The following RAPH1 variants were observed in gnomAD, a reference collection of about 807,000 sequenced individuals.
The protein encoded by RAPH1 is ras-associated and pleckstrin homology domains-containing protein 1.
In RAPH1, 18 loss-of-function variants were observed where a neutral mutation model predicts 88.1. The ratio of observed to expected loss-of-function variants is 0.20; its 90% CI spans 0.14 to 0.30. The LOEUF is 0.30. RAPH1 is among the 10% of genes least tolerant of loss of function. The pLI is 1.00. For synonymous variants in RAPH1, 587 were observed against 559.0 expected (o/e 1.05, Z -0.71); for missense variants, 1,448 against 1,543.2 (o/e 0.94, Z 1.03).
Position 203,535,278 on chromosome 2 carries a change from CT to C in RAPH1, c.-169del, listed in dbSNP as rs1390703392. ...GCTCAGTGACTGACTGACTGACTGA[CT>C]GACTGACTGACTGACTGACTGGCGG... On this transcript the variant is annotated 5_prime_UTR_variant, in exon 1 of 14. Transcript: ENST00000319170. The C allele has an allele frequency of 6.6e-6, 1 of 150,748 alleles. No individual in the cohort carries two copies. Among genetic ancestry groups the C allele is most frequent in the Non-Finnish European group, 1.5e-5 (1 of 67,324 alleles). 9.3% of individuals were successfully genotyped at this position (150,748 alleles called of 1,614,324 possible).
intron 1 of RAPH1, among the ~76,000 whole-genome samples, chr2:203,504,512 G>A (rs1007348274): frequency 3.3e-5 from 5 of 152,190 alleles, no homozygotes; most frequent in South Asian, 2.1e-4. Flanking sequence ...CCCGGCCCAC[G>A]AAACCACTTT....
chr2:203,455,033 T>C (rs1311873189), intron 9 of RAPH1, among the ~76,000 whole-genome samples: 1 of 152,176 alleles, frequency 6.6e-6, no homozygotes, highest in Non-Finnish European at 1.5e-5. Context: ...AAAACAGTCC[T>C]GGTGCCAATA....
intron 1 of RAPH1, among the ~76,000 whole-genome samples, chr2:203,498,919 T>C (rs1688624013): frequency 6.6e-6 from 1 of 152,218 alleles, no homozygotes; most frequent in South Asian, 2.1e-4. Flanking sequence ...TTTCTAGGTT[T>C]AGATACCATT....
chr2:203,525,271 C>T (rs887395862), intron 1 of RAPH1, among the ~76,000 whole-genome samples: 1 of 152,128 alleles, frequency 6.6e-6, no homozygotes, highest in Non-Finnish European at 1.5e-5. Context: ...CTGCAGCCTC[C>T]GCCTCCTGGG....
chr2:203,525,113 A>T (rs1466607529), intron 1 of RAPH1, among the ~76,000 whole-genome samples: 1 of 152,256 alleles, frequency 6.6e-6, no homozygotes, highest in Non-Finnish European at 1.5e-5. Flanking sequence ...TTTTCTTCAG[A>T]ATAGTCCCAA....
At chr2:203,460,429 G>A (rs535098786) in intron 6 of RAPH1, among the ~76,000 whole-genome samples, 3 of 152,138 alleles carry the variant, frequency 2.0e-5, no homozygotes, top group African/African-American at 7.2e-5. Context: ...ATCCATGACT[G>A]TTGTTTAATC....
chr2:203,448,672 G>A lies in RAPH1; in HGVS notation c.1512+66C>T. The A allele has an allele frequency of 8.7e-7, 1 of 1,153,012 alleles. No individual in the cohort carries two copies. The highest frequency in any genetic ancestry group is 1.2e-6 in the Non-Finnish European group (1 of 803,210). The allele number at this position is 1,153,012 out of a possible 1,614,324, so 71.4% of individuals were successfully genotyped here. A position where few individuals can be genotyped will look rare whatever the true frequency, so the allele number is the denominator to read the frequency against. On this transcript the variant is annotated intron_variant, in intron 11 of 13. Coordinates refer to ENST00000319170, the MANE Select transcript of RAPH1 (RefSeq NM_213589.3). This position sits in a 1 kb window ranked among gnomAD's most constrained non-coding sequence, Gnocchi z 4.1. ...ATGAAATAGTCAGAATAGTTGTCAT[G>A]AAAACGAAAACTATATCATCGACAA...
intron 4 of RAPH1, among the ~76,000 whole-genome samples, chr2:203,467,413 A>G (rs1359269615): frequency 6.6e-6 from 1 of 151,184 alleles, no homozygotes; most frequent in Non-Finnish European, 1.5e-5. Context: ...CATGATAGCG[A>G]AACCCCGTCT....
rs2098501681 is a variant in RAPH1, at chr2:203,439,873, G to C, written c.3317C>G (p.Pro1106Arg). The C allele has an allele frequency of 2.5e-6, 4 of 1,613,950 alleles. No individual in the cohort carries two copies. The highest frequency in any genetic ancestry group is 3.4e-6 in the Non-Finnish European group (4 of 1,180,012). The change falls in exon 14 of 14, where the codon CCT becomes CGT. Residue 1106 changes from proline (P) to arginine (R), a missense_variant. Pro to Arg is a moderately radical substitution (Grantham distance 103, BLOSUM62 -2). Around this residue, in one of 2 missense-constraint regions of RAPH1, gnomAD observed 935 missense variants for 890.1 expected, o/e 1.05. Coordinates refer to ENST00000319170, the MANE Select transcript of RAPH1 (RefSeq NM_213589.3). ...CATTTTAGACCATTGTTGTGGTTGA[G>C]GATTAACGACTGCCACTTTTGGAGA... Reference protein sequence around the residue: ...NTSPKVAVVNPQPQQWSKMSV... With the variant: ...NTSPKVAVVNRQPQQWSKMSV...
chr2:203,466,936 T>C (rs2098528983), intron 4 of RAPH1, among the ~76,000 whole-genome samples: 1 of 152,224 alleles, frequency 6.6e-6, no homozygotes, highest in Non-Finnish European at 1.5e-5. Flanking sequence ...GTTGCTAAGT[T>C]GTTCCTTCAA....
chr2:203,447,895 T>C (rs1460993079), intron 12 of RAPH1, 64 bp downstream of exon 12: 1 of 1,537,940 alleles, frequency 6.5e-7, no homozygotes, highest in Non-Finnish European at 8.9e-7. Flanking sequence ...CCAGGTCTAC[T>C]ATCAGTCTCT....
chr2:203,438,044 G>A lies in RAPH1; in HGVS notation c.*1393C>T, dbSNP rs919428444. The A allele has an allele frequency of 4.6e-5, 21 of 453,914 alleles. No homozygotes were observed. Among genetic ancestry groups the A allele is most frequent in the Middle Eastern group, 3.3e-4 (1 of 2,986 alleles). The allele number at this position is 453,914 out of a possible 1,614,324, so 28.1% of individuals were successfully genotyped here. On this transcript the variant is annotated 3_prime_UTR_variant, in exon 14 of 14. Coordinates refer to ENST00000319170, the MANE Select transcript of RAPH1 (RefSeq NM_213589.3). ...AAAGCATATAGAAGTATAGTGTGTC[G>A]TTAGAGCACTGACTCCACGTTATAC...
intron 4 of RAPH1, among the ~76,000 whole-genome samples, chr2:203,473,698 A>G (rs938610867): frequency 6.6e-6 from 1 of 152,168 alleles, no homozygotes; most frequent in Admixed American, 6.5e-5. Flanking sequence ...TGGTTTGGGC[A>G]TGGCATCCAA....
chr2:203,457,018 G>A, intron 8 of RAPH1, among the ~76,000 whole-genome samples: 1 of 151,936 alleles, frequency 6.6e-6, no homozygotes, highest in East Asian at 1.9e-4. Context: ...ATATGGCTTG[G>A]CAAAATAATA....
rs2098511756 is a variant in RAPH1 at position 203,448,286 on chromosome 2, C to T, written c.1513-207G>A. On this transcript the variant is annotated intron_variant, in intron 11 of 13. Coordinates refer to ENST00000319170, the MANE Select transcript of RAPH1 (RefSeq NM_213589.3). This position sits in a 1 kb window ranked among gnomAD's most constrained non-coding sequence, Gnocchi z 4.1. Reference sequence around the variant, plus strand: ...TTTTAGAGGGGCAGCAAGAAGTCAACACTTGATTCTGTTTGTTATAAACAT... The same window carrying T: ...TTTTAGAGGGGCAGCAAGAAGTCAATACTTGATTCTGTTTGTTATAAACAT... Among the ~76,000 whole-genome samples, 1 of 152,166 alleles carries T rather than the reference C, an allele frequency of 6.6e-6. No individual in the cohort carries two copies. The highest frequency in any genetic ancestry group is 6.5e-5 in the Admixed American group (1 of 15,280).
chr2:203,444,544 A>T (rs942340164), intron 13 of RAPH1: 9 of 337,572 alleles, frequency 2.7e-5, no homozygotes, highest in Non-Finnish European at 4.7e-5. Context: ...TTGCCATCCA[A>T]ACTGCTTAAA....
intron 1 of RAPH1, among the ~76,000 whole-genome samples, chr2:203,511,972 G>T (rs747992198): frequency 1.3e-5 from 2 of 151,976 alleles, no homozygotes; most frequent in Non-Finnish European, 2.9e-5. Context: ...AATTAGCTGG[G>T]TGTGGTGGTG....
At position 203,457,542 on chromosome 2, in the gene RAPH1, T is replaced by G; in HGVS notation, c.1146A>C (p.Glu382Asp). Residue 382 changes from glutamate to aspartate, a missense_variant, in exon 8 of 14, where the codon GAA becomes GAC. Physicochemically the swap from Glu to Asp is conservative, Grantham distance 45. Coordinates refer to ENST00000319170, the MANE Select transcript of RAPH1 (RefSeq NM_213589.3). ...GGGGTTGTCATACCTCCAAGAGGAC[T>G]TCTTTGTTTCTATCTGCCATCTCAG... ...ETAEMADRNK[E>D]VLLEECFCGS... 1 of 1,612,502 alleles carries G rather than the reference T, an allele frequency of 6.2e-7. No individual in the cohort carries two copies. Among genetic ancestry groups the G allele is most frequent in the Non-Finnish European group, 8.5e-7 (1 of 1,178,538 alleles).
intron 4 of RAPH1, among the ~76,000 whole-genome samples, chr2:203,487,710 T>TA (rs1217630671): frequency 1.3e-5 from 2 of 152,312 alleles, no homozygotes; most frequent in African/African-American, 4.8e-5. Context: ...AAGTTCTCTA[T>TA]AGAATATATA....
Sources: allele counts gnomAD v4.1 joint callset (sites outside exome capture counted in the v4.1 genomes callset), GRCh38; gene constraint gnomAD v4.1.1; regional missense constraint gnomAD v4.1.1; non-coding constraint Gnocchi (gnomAD v3.1); transcripts MANE v1.5; gene names NCBI Gene and HGNC (gene_info 2026-07-23, HGNC 2026-07-21).